CDK19: variants seen among roughly 807,000 people sequenced by gnomAD.
CDK19 encodes the protein cyclin-dependent kinase 19.
In CDK19, 20 loss-of-function variants were observed where a neutral mutation model predicts 68.3. The ratio of observed to expected loss-of-function variants is 0.29; its 90% CI spans 0.21 to 0.43. CDK19 has a LOEUF of 0.43. Ranked by LOEUF, CDK19 falls within the 20% of genes least tolerant of loss-of-function variation. The pLI, the probability that CDK19 is intolerant of heterozygous loss-of-function variation, is 1.00. For missense variants in CDK19, 339 were observed against 623.5 expected (o/e 0.54, Z 4.86); for synonymous variants, 221 against 222.8 (o/e 0.99, Z 0.07).
intron 2 of CDK19, among the ~76,000 whole-genome samples, chr6:110,682,966 A>C (rs1295754645): frequency 1.3e-5 from 2 of 152,112 alleles, no homozygotes; most frequent in East Asian, 1.9e-4. Context: ...ACCTGAGGTC[A>C]GGAGTTCGAG....
At chr6:110,717,230 CATAT>C (rs10568338) in intron 2 of CDK19, among the ~76,000 whole-genome samples, 99,551 of 151,408 alleles carry the variant, frequency 0.66, 34,184 homozygotes, top group Admixed American at 0.81. Context: ...CTATATATCA[CATAT>C]ATAGATACAT....
chr6:110,799,669 C>T (rs1782212193), intron 1 of CDK19, among the ~76,000 whole-genome samples: 1 of 152,068 alleles, frequency 6.6e-6, no homozygotes, highest in Admixed American at 6.6e-5. Flanking sequence ...ACAATCTCGG[C>T]TCACTGCAGC....
chr6:110,776,922 A>T lies in CDK19; in HGVS notation c.129-30721T>A, dbSNP rs144792910. On this transcript the variant is annotated intron_variant, in intron 1 of 12. Transcript: ENST00000368911. ...TCTTCACAACTCTGAGATAGGTACT[A>T]TTATACTTTAAAGATGAAGAAATGA... Among the ~76,000 whole-genome samples, 95 of 152,320 alleles carry T rather than the reference A, an allele frequency of 6.2e-4. 1 individual carries two copies. In the East Asian group the frequency reaches 0.012, roughly 19 times the overall value.
At chr6:110,776,647 ATCTTC>A (rs1048604285) in intron 1 of CDK19, among the ~76,000 whole-genome samples, 6 of 152,204 alleles carry the variant, frequency 3.9e-5, no homozygotes, top group African/African-American at 1.4e-4. Flanking sequence ...CCTCAGCTGT[ATCTTC>A]TCTTAATTCC....
chr6:110,801,497 T>C (rs966780589), intron 1 of CDK19, among the ~76,000 whole-genome samples: 2 of 151,872 alleles, frequency 1.3e-5, no homozygotes, highest in Admixed American at 6.6e-5. Flanking sequence ...AAAAGTAAAA[T>C]AAATTACAGG....
rs533658835 is a variant in CDK19 at position 110,798,106 on chromosome 6, G to A, written c.128+16903C>T. Among the ~76,000 whole-genome samples the A allele has an allele frequency of 7.9e-5, 12 of 151,888 alleles. No individual in the cohort carries two copies. In the South Asian group the frequency reaches 1.2e-3, roughly 16 times the overall value. ...TGAATTATATGGCCTGACCATATGA[G>A]TCAGATGTACCGTACTAAAGAACAG... On this transcript the variant is annotated intron_variant, in intron 1 of 12. Coordinates refer to ENST00000368911, the MANE Select transcript of CDK19 (RefSeq NM_015076.5).
intron 4 of CDK19, among the ~76,000 whole-genome samples, chr6:110,666,132 G>A (rs1162706038): frequency 7.8e-6 from 1 of 127,578 alleles, no homozygotes; most frequent in African/African-American, 2.5e-5. Context: ...AAAATTATGA[G>A]AGGCTGGGCA....
chr6:110,711,497 T>C (rs553017966), intron 2 of CDK19, among the ~76,000 whole-genome samples: 1 of 152,172 alleles, frequency 6.6e-6, no homozygotes, highest in Non-Finnish European at 1.5e-5. Context: ...TACGTATCAA[T>C]TAAAACCAGG....
intron 1 of CDK19, among the ~76,000 whole-genome samples, chr6:110,794,802 T>TG (rs945438172): frequency 6.6e-6 from 1 of 151,068 alleles, no homozygotes; most frequent in African/African-American, 2.4e-5. Context: ...TATATATCTG[T>TG]GAAAAAAAAA....
intron 2 of CDK19, among the ~76,000 whole-genome samples, chr6:110,714,181 A>G (rs1362816020): frequency 1.3e-5 from 2 of 152,206 alleles, no homozygotes; most frequent in Non-Finnish European, 2.9e-5. Context: ...ATGAAACTAT[A>G]CAATATATAG....
chr6:110,814,292 T>C (rs1173960336), intron 1 of CDK19, among the ~76,000 whole-genome samples: 1 of 152,210 alleles, frequency 6.6e-6, no homozygotes, highest in African/African-American at 2.4e-5. Context: ...TAGCAGAGAA[T>C]TCAGCCAACT....
chr6:110,800,700 C>T (rs1782282012), intron 1 of CDK19, among the ~76,000 whole-genome samples: 1 of 151,974 alleles, frequency 6.6e-6, no homozygotes, highest in Non-Finnish European at 1.5e-5. Context: ...AAACAAAAAC[C>T]ACACGATCAT....
chr6:110,614,525 C>T lies in CDK19; in HGVS notation c.*10G>A, dbSNP rs757754206. Reference sequence around the variant, plus strand: ...TCTGGGCTGGGCTGGCCTGGCCCAACGGGAGCTGGTCAGTACCGGTGGGCC... The same window carrying T: ...TCTGGGCTGGGCTGGCCTGGCCCAATGGGAGCTGGTCAGTACCGGTGGGCC... On this transcript the variant is annotated 3_prime_UTR_variant, in exon 13 of 13. Coordinates refer to ENST00000368911, the MANE Select transcript of CDK19 (RefSeq NM_015076.5). The T allele has an allele frequency of 4.3e-6, 7 of 1,612,820 alleles. No homozygotes were observed. The East Asian group carries it at 6.7e-5, about 15-fold the overall frequency.
In CDK19 at chr6:110,681,803, T is replaced by C. The variant is rs538646632; in HGVS notation, c.205-11262A>G. ...ATATGATAACATCTTCCATGCCAGATACTCACAGCATAGTAACATGATCCC... is the reference window on the plus strand; with the variant it reads ...ATATGATAACATCTTCCATGCCAGACACTCACAGCATAGTAACATGATCCC... On this transcript the variant is annotated intron_variant, in intron 2 of 12. Transcript: ENST00000368911. 3.4e-4 allele frequency among the ~76,000 whole-genome samples: 52 copies of C among 152,360 alleles called. 1 individual carries two copies. The South Asian group carries it at 5.4e-3, about 16-fold the overall frequency.
intron 2 of CDK19, among the ~76,000 whole-genome samples, chr6:110,723,019 ACCTT>A (rs2114753246): frequency 6.6e-6 from 1 of 151,812 alleles, no homozygotes; most frequent in African/African-American, 2.4e-5. Flanking sequence ...CTCTTCCAAA[ACCTT>A]GTCAACTCCC....
intron 4 of CDK19, among the ~76,000 whole-genome samples, chr6:110,650,951 G>C (rs1426450422): frequency 6.6e-6 from 1 of 152,168 alleles, no homozygotes; most frequent in Non-Finnish European, 1.5e-5. Flanking sequence ...GTTTGCAGGA[G>C]GGCAAGGGCA....
chr6:110,618,820 GC>G (rs1167555239), intron 12 of CDK19, among the ~76,000 whole-genome samples: 1 of 104,996 alleles, frequency 9.5e-6, no homozygotes, highest in African/African-American at 4.5e-5. Flanking sequence ...TTTGCAGACA[GC>G]CCCTCCCTCT....
Position 110,678,611 on chromosome 6 carries a change from TC to T in CDK19, c.205-8071del, listed in dbSNP as rs746578283. On this transcript the variant is annotated intron_variant, in intron 2 of 12. Transcript: ENST00000368911. ...TATCTTTCTGCAAGTACTAACACTTTCAAACATACCATAACTCTATATCCCT... is the reference window on the plus strand; with the variant it reads ...TATCTTTCTGCAAGTACTAACACTTTAAACATACCATAACTCTATATCCCT... Among the ~76,000 whole-genome samples the T allele has an allele frequency of 9.3e-4, 141 of 152,322 alleles. 1 individual carries two copies. Among genetic ancestry groups the T allele is most frequent in the Admixed American group, 2.5e-3 (39 of 15,298 alleles).
At chr6:110,654,870 G>A (rs771757515) in intron 4 of CDK19, among the ~76,000 whole-genome samples, 23 of 151,924 alleles carry the variant, frequency 1.5e-4, no homozygotes. Flanking sequence ...GAACCCGGGA[G>A]GTGGAGGTTA....
Sources: allele counts gnomAD v4.1 joint callset (sites outside exome capture counted in the v4.1 genomes callset), GRCh38; gene constraint gnomAD v4.1.1; transcripts MANE v1.5; gene names NCBI Gene and HGNC (gene_info 2026-07-23, HGNC 2026-07-21).